Variants in TNFRSF1B observed in about 807,000 individuals in gnomAD.
The protein encoded by TNFRSF1B is tumor necrosis factor receptor superfamily member 1B.
Under a neutral mutation model 44.6 loss-of-function variants are expected in TNFRSF1B, and 19 were observed. The ratio of observed to expected loss-of-function variants is 0.43; its 90% CI spans 0.30 to 0.62. TNFRSF1B has a LOEUF of 0.62. Among genes scored for constraint, TNFRSF1B ranks in the 20% least tolerant of loss-of-function variants. TNFRSF1B has a pLI of 0.16. For synonymous variants in TNFRSF1B, 252 were observed against 261.1 expected (o/e 0.97, Z 0.34); for missense variants, 541 against 619.9 (o/e 0.87, Z 1.35).
intron 9 of TNFRSF1B, among the ~76,000 whole-genome samples, chr1:12,205,668 C>T (rs1639486893): frequency 6.6e-6 from 1 of 152,158 alleles, no homozygotes; most frequent in Non-Finnish European, 1.5e-5. Flanking sequence ...TTCGCCCAGG[C>T]TGGAGTGAAG....
In TNFRSF1B at chr1:12,199,398, C is replaced by T. The variant is rs904861369; in HGVS notation, c.901-2569C>T. On this transcript the variant is annotated intron_variant, in intron 8 of 9. Transcript: ENST00000376259. The surrounding 1 kb of genome is among the most constrained non-coding windows in gnomAD (Gnocchi z 4.0). ...CCAGCCCAGGGAGGGTGTGGGGGTT[C>T]CTGGGGAAGCTGGTCTAGGCTTCTG... 2.0e-5 allele frequency among the ~76,000 whole-genome samples: 3 copies of T among 152,218 alleles called. No individual in the cohort carries two copies. The highest frequency in any genetic ancestry group is 2.9e-5 in the Non-Finnish European group (2 of 68,042).
At chr1:12,198,096 T>TGGG (rs1379984917) in intron 8 of TNFRSF1B, among the ~76,000 whole-genome samples, 2 of 130,996 alleles carry the variant, frequency 1.5e-5, no homozygotes, top group Non-Finnish European at 3.1e-5. Flanking sequence ...CACTCCAGCC[T>TGGG]GGGCGATAGA....
intron 1 of TNFRSF1B, among the ~76,000 whole-genome samples, chr1:12,181,692 C>T (rs1638811188): frequency 6.6e-6 from 1 of 152,192 alleles, no homozygotes; most frequent in Non-Finnish European, 1.5e-5. Flanking sequence ...AAGTCGCCTG[C>T]TCGAGCTGCC....
intron 9 of TNFRSF1B, among the ~76,000 whole-genome samples, chr1:12,206,147 C>T (rs773528465): frequency 1.3e-5 from 2 of 151,996 alleles, no homozygotes; most frequent in African/African-American, 2.4e-5. Flanking sequence ...CAGCGCTTTG[C>T]GAGGCTGAGG....
chr1:12,179,789 C>T (rs1280386051), intron 1 of TNFRSF1B, among the ~76,000 whole-genome samples: 3 of 152,164 alleles, frequency 2.0e-5, no homozygotes, highest in East Asian at 1.9e-4. Context: ...ACAATTTGCA[C>T]GAAATCTCCC....
chr1:12,185,759 A>G (rs1370766662), intron 1 of TNFRSF1B, among the ~76,000 whole-genome samples: 2 of 152,190 alleles, frequency 1.3e-5, no homozygotes, highest in Non-Finnish European at 2.9e-5. Context: ...AGGAAAGGAC[A>G]TTGTAACCCA....
intron 9 of TNFRSF1B, among the ~76,000 whole-genome samples, chr1:12,204,984 G>A (rs1186491622): frequency 6.6e-6 from 1 of 151,684 alleles, no homozygotes; most frequent in Non-Finnish European, 1.5e-5. Context: ...AGACTAGCCT[G>A]GGCAACATAG....
In TNFRSF1B at chr1:12,193,930, G is replaced by A; in HGVS notation, c.788-25G>A. 7 of 1,604,712 alleles carry A rather than the reference G, an allele frequency of 4.4e-6. No homozygotes were observed. The South Asian group carries it at 7.7e-5, about 18-fold the overall frequency. On this transcript the variant is annotated intron_variant, in intron 6 of 9. Coordinates refer to ENST00000376259, the MANE Select transcript of TNFRSF1B (RefSeq NM_001066.3). ...ACATTTGAGTTTGTTTTCTGTAGCTGTCTGAGCTTCTCTTTTCTTTCTAGG... is the reference window on the plus strand; with the variant it reads ...ACATTTGAGTTTGTTTTCTGTAGCTATCTGAGCTTCTCTTTTCTTTCTAGG...
intron 1 of TNFRSF1B, among the ~76,000 whole-genome samples, chr1:12,183,797 TCTA>T (rs1557629417): frequency 2.8e-5 from 4 of 142,722 alleles, no homozygotes; most frequent in South Asian, 2.3e-4. Context: ...TACCTATCTA[TCTA>T]TCTAGCTATC....
chr1:12,182,097 G>C (rs1411982675), intron 1 of TNFRSF1B, among the ~76,000 whole-genome samples: 1 of 152,226 alleles, frequency 6.6e-6, no homozygotes, highest in African/African-American at 2.4e-5. Context: ...TTGAGACCCA[G>C]TCTTCCTGGC....
chr1:12,204,790 TCACCACCACCAC>T (rs151248488), intron 9 of TNFRSF1B, among the ~76,000 whole-genome samples: 1 of 150,922 alleles, frequency 6.6e-6, no homozygotes, highest in Non-Finnish European at 1.5e-5. Flanking sequence ...CTTAAAAACA[TCACCACCACCAC>T]CACCACCACC....
At position 12,169,223 on chromosome 1, in the gene TNFRSF1B, C is replaced by T. The variant is rs1347472206; in HGVS notation, c.78+2054C>T. ...CTTTTTAATCTAGCTGTGTTTTATC[C>T]CCCTCAGTGGATGGAAGGTGTCTTC... On this transcript the variant is annotated intron_variant, in intron 1 of 9. Coordinates refer to ENST00000376259, the MANE Select transcript of TNFRSF1B (RefSeq NM_001066.3). The surrounding 1 kb of genome is among the most constrained non-coding windows in gnomAD (Gnocchi z 4.5). Among the ~76,000 whole-genome samples the T allele has an allele frequency of 2.0e-5, 3 of 152,098 alleles. No individual in the cohort carries two copies. The East Asian group carries it at 5.8e-4, about 29-fold the overall frequency.
chr1:12,209,090 C>T lies in TNFRSF1B; in HGVS notation c.*2070C>T, dbSNP rs1040241704. On this transcript the variant is annotated 3_prime_UTR_variant, in exon 10 of 10. Coordinates refer to ENST00000376259, the MANE Select transcript of TNFRSF1B (RefSeq NM_001066.3). ...CTTCCTTGGCATCACAGGGCAGAGC[C>T]GGGAAGCGATGAATTTGGAGACTCT... is the stretch of plus-strand genomic sequence containing the variant. 2.0e-5 allele frequency: 3 copies of T among 152,382 alleles called. No individual in the cohort carries two copies. The highest frequency in any genetic ancestry group is 7.2e-5 in the African/African-American group (3 of 41,420). The allele number at this position is 152,382 out of a possible 1,614,324, so 9.4% of individuals were successfully genotyped here.
chr1:12,173,933 G>A (rs555981967), intron 1 of TNFRSF1B, among the ~76,000 whole-genome samples: 89 of 152,328 alleles, frequency 5.8e-4, no homozygotes, highest in East Asian at 5.8e-4. Flanking sequence ...GGAGGAGGAA[G>A]TGTCTGTTCG....
In TNFRSF1B at chr1:12,199,955, C is replaced by G. The variant is rs1004706262; in HGVS notation, c.901-2012C>G. Reference sequence around the variant, plus strand: ...GGCAAGGGTGTGAGCGCCTGGCCAGCCAGTGGGAACAGACAACAGCCTGGG... The same window carrying G: ...GGCAAGGGTGTGAGCGCCTGGCCAGGCAGTGGGAACAGACAACAGCCTGGG... On this transcript the variant is annotated intron_variant, in intron 8 of 9. Transcript: ENST00000376259. This position sits in a 1 kb window ranked among gnomAD's most constrained non-coding sequence, Gnocchi z 4.0. 6.6e-6 allele frequency among the ~76,000 whole-genome samples: 1 copy of G among 151,868 alleles called. No homozygotes were observed. The highest frequency in any genetic ancestry group is 6.6e-5 in the Admixed American group (1 of 15,228).
At chr1:12,172,967 G>A (rs1162609751) in intron 1 of TNFRSF1B, among the ~76,000 whole-genome samples, 1 of 152,220 alleles carries the variant, frequency 6.6e-6, no homozygotes, top group Non-Finnish European at 1.5e-5. Context: ...GCTGCTGAAG[G>A]TTCTGTTTAC....
intron 1 of TNFRSF1B, among the ~76,000 whole-genome samples, chr1:12,185,209 C>T (rs995072020): frequency 3.3e-5 from 5 of 152,198 alleles, no homozygotes; most frequent in South Asian, 2.1e-4. Context: ...GAGCCCCCTC[C>T]GCCACCCCTC....
chr1:12,188,834 A>C lies in TNFRSF1B; in HGVS notation c.117A>C (p.Thr39=), dbSNP rs1639044590. Residue 39 remains threonine (T), a synonymous_variant, in exon 2 of 10, where the codon ACA becomes ACC. Transcript: ENST00000376259. ...CCTACGCCCCGGAGCCCGGGAGCACATGCCGGCTCAGAGAATACTATGACC... is the reference window on the plus strand; with the variant it reads ...CCTACGCCCCGGAGCCCGGGAGCACCTGCCGGCTCAGAGAATACTATGACC... ...FTPYAPEPGS[T]CRLREYYDQT... is the part of the protein sequence containing the mutation. The C allele has an allele frequency of 6.2e-7, 1 of 1,613,752 alleles. No homozygotes were observed. Among genetic ancestry groups the C allele is most frequent in the South Asian group, 1.1e-5 (1 of 91,032 alleles).
At position 12,207,734 on chromosome 1, in the gene TNFRSF1B, A is replaced by AC. The variant is rs1557643655; in HGVS notation, c.*718dup. 1 of 152,132 alleles carries AC rather than the reference A, an allele frequency of 6.6e-6. No individual in the cohort carries two copies. The highest frequency in any genetic ancestry group is 1.5e-5 in the Non-Finnish European group (1 of 68,112). The allele number at this position is 152,132 out of a possible 1,614,324, so 9.4% of individuals were successfully genotyped here. A position where few individuals can be genotyped will look rare whatever the true frequency, so the allele number is the denominator to read the frequency against. On this transcript the variant is annotated 3_prime_UTR_variant, in exon 10 of 10. Transcript: ENST00000376259. ...AGACCAGCCTGGCCAACATGGTAAA[A>AC]CCCCATCTCTACTAAAAATACAGAA...
Sources: allele counts gnomAD v4.1 joint callset (sites outside exome capture counted in the v4.1 genomes callset), GRCh38; gene constraint gnomAD v4.1.1; non-coding constraint Gnocchi (gnomAD v3.1); transcripts MANE v1.5; gene names NCBI Gene and HGNC (gene_info 2026-07-23, HGNC 2026-07-21).